The following INTS9 variants were observed in gnomAD, a reference collection of about 807,000 sequenced individuals.
INTS9 encodes protein related to CPSF subunits of 74 kDa.
A neutral mutation model predicts 79.7 loss-of-function variants in INTS9; 55 were observed. That is an observed-to-expected ratio of 0.69 (90% CI 0.56 to 0.86). The LOEUF (loss-of-function observed/expected upper bound fraction) is 0.86. Among genes scored for constraint, INTS9 ranks in the 40% least tolerant of loss-of-function variants. The pLI is 0.00. For missense variants in INTS9, 721 were observed against 831.5 expected, an observed-to-expected ratio of 0.87 and a Z score of 1.64; for synonymous variants, 319 against 325.2, an observed-to-expected ratio of 0.98 and a Z score of 0.20.
chr8:28,827,039 A>T (rs1339948278), intron 6 of INTS9, among the ~76,000 whole-genome samples: 1 of 152,112 alleles, frequency 6.6e-6, no homozygotes. Flanking sequence ...AACTCTCCTT[A>T]TGCTTACTTG....
In INTS9 at chr8:28,846,750, T is replaced by TG. The variant is rs1444337664; in HGVS notation, c.257dup (p.Glu87ArgfsTer17). On this transcript the variant is annotated frameshift_variant, in exon 4 of 17. Transcript: ENST00000521022. LOFTEE classifies it high-confidence loss of function. ...ATAAGATTCACCTTAATCTTACCTC[T>TG]GGTAAACAGAATTCCGGCACAGAAT... is the stretch of plus-strand genomic sequence containing the variant. 1 of 1,610,528 alleles carries TG rather than the reference T, an allele frequency of 6.2e-7. No homozygotes were observed. The highest frequency in any genetic ancestry group is 8.5e-7 in the Non-Finnish European group (1 of 1,176,746).
intron 11 of INTS9, among the ~76,000 whole-genome samples, chr8:28,786,920 T>C (rs556331930): frequency 1.3e-5 from 2 of 152,156 alleles, no homozygotes; most frequent in South Asian, 2.1e-4. Flanking sequence ...GGTTTCACTG[T>C]GTTAGCCAGG....
intron 14 of INTS9, among the ~76,000 whole-genome samples, chr8:28,774,998 G>A (rs988967587): frequency 6.6e-6 from 1 of 152,180 alleles, no homozygotes; most frequent in African/African-American, 2.4e-5. Flanking sequence ...ACCAAAACCT[G>A]CAAGTATGCT....
intron 1 of INTS9, among the ~76,000 whole-genome samples, chr8:28,881,439 CCCCCCG>C (rs1809793925): frequency 2.0e-5 from 3 of 146,412 alleles, no homozygotes; most frequent in African/African-American, 7.5e-5. Context: ...GGGGGGTCAG[CCCCCCG>C]CCCGGCCAGC....
In INTS9 at chr8:28,768,238, C is replaced by T. The variant is rs1802322230; in HGVS notation, c.1885G>A (p.Glu629Lys). The part of the protein sequence containing the change: ...LQEAETLIQI[E>K]EDSTHIICDN... ...CAGATGATATGGGTCGAGTCTTCTT[C>T]AATCTGGATGAGCGTCTCAGCCTCC... The change falls in exon 17 of 17, where the codon GAA (glutamate) becomes AAA (lysine). Residue 629 changes from glutamate to lysine, a missense_variant. Transcript: ENST00000521022. 6.2e-7 allele frequency: 1 copy of T among 1,614,068 alleles called. No homozygotes were observed. Among genetic ancestry groups the T allele is most frequent in the Non-Finnish European group, 8.5e-7 (1 of 1,180,052 alleles).
intron 6 of INTS9, among the ~76,000 whole-genome samples, chr8:28,817,529 C>A (rs1398753086): frequency 3.3e-5 from 5 of 152,146 alleles, no homozygotes; most frequent in Non-Finnish European, 5.9e-5. Flanking sequence ...TGTTTTGGTA[C>A]CAGTAACATG....
intron 6 of INTS9, among the ~76,000 whole-genome samples, chr8:28,833,267 A>G (rs942947668): frequency 9.9e-5 from 15 of 152,204 alleles, no homozygotes; most frequent in Non-Finnish European, 2.1e-4. Flanking sequence ...AAGAGAAATC[A>G]GTGCCAACTG....
intron 1 of INTS9, among the ~76,000 whole-genome samples, chr8:28,862,661 T>C (rs537517003): frequency 3.3e-5 from 5 of 152,332 alleles, no homozygotes; most frequent in African/African-American, 2.4e-5. Context: ...TTATTTACAA[T>C]GTCATTGGTA....
intron 2 of INTS9, among the ~76,000 whole-genome samples, chr8:28,856,405 T>C (rs924366258): frequency 6.6e-6 from 1 of 152,104 alleles, no homozygotes; most frequent in Non-Finnish European, 1.5e-5. Flanking sequence ...TGAGGGCATG[T>C]TGAATTTTGT....
chr8:28,799,983 C>T (rs147743974), intron 8 of INTS9, among the ~76,000 whole-genome samples: 285 of 152,288 alleles, frequency 1.9e-3, no homozygotes, highest in Non-Finnish European at 3.3e-3. Flanking sequence ...GAACATCTCC[C>T]GGACATCTCT....
chr8:28,807,936 TAATATC>T (rs1364070521), intron 8 of INTS9, among the ~76,000 whole-genome samples: 1 of 152,240 alleles, frequency 6.6e-6, no homozygotes. Context: ...CTTTGCAAGA[TAATATC>T]AATAGATTAT....
chr8:28,869,311 G>C (rs911668794), intron 1 of INTS9, among the ~76,000 whole-genome samples: 9 of 152,180 alleles, frequency 5.9e-5, no homozygotes, highest in Non-Finnish European at 7.3e-5. Context: ...CTCCCAAAGT[G>C]CTGGGATTAC....
chr8:28,793,895 C>T lies in INTS9; in HGVS notation c.949G>A (p.Asp317Asn), dbSNP rs1371893300. The change falls in exon 10 of 17, where the codon GAC becomes AAC. Residue 317 changes from aspartate (D) to asparagine (N), a missense_variant. Transcript: ENST00000521022. ...DLLECLYQYI[D>N]SAGLSSVPLY... ...GGGACGCTGGAAAGCCCGGCTGAGT[C>T]GATGTACTGATATAGGCACTCCAGG... The T allele has an allele frequency of 1.9e-5, 31 of 1,613,868 alleles. No homozygotes were observed. Among genetic ancestry groups the T allele is most frequent in the Non-Finnish European group, 2.5e-5 (30 of 1,179,940 alleles).
At chr8:28,887,665 C>T (rs542883723) in intron 1 of INTS9, among the ~76,000 whole-genome samples, 1 of 152,324 alleles carries the variant, frequency 6.6e-6, no homozygotes, top group Non-Finnish European at 1.5e-5. Flanking sequence ...AGGCATGACA[C>T]ACCCATCTAA....
intron 1 of INTS9, among the ~76,000 whole-genome samples, chr8:28,865,069 AC>A (rs1343083236): frequency 3.3e-5 from 5 of 152,098 alleles, no homozygotes; most frequent in Non-Finnish European, 7.4e-5. Context: ...AAAAATAAAA[AC>A]AAAAAATCAT....
chr8:28,781,169 C>G (rs973145571), intron 11 of INTS9, among the ~76,000 whole-genome samples, 175 bp from the exon 12 acceptor site: 1 of 152,098 alleles, frequency 6.6e-6, no homozygotes, highest in Non-Finnish European at 1.5e-5. Context: ...GACCCAGAAT[C>G]TATGAACTCC....
In INTS9 at chr8:28,813,478, A is replaced by T. The variant is rs200366964; in HGVS notation, c.609+14T>A. 11 of 1,610,128 alleles carry T rather than the reference A, an allele frequency of 6.8e-6. No homozygotes were observed. Among genetic ancestry groups the T allele is most frequent in the Non-Finnish European group, 8.5e-6 (10 of 1,176,822 alleles). On this transcript the variant is annotated intron_variant, in intron 7 of 16. Transcript: ENST00000521022. ...AGCATTCATGAATAACTGAAATGTA[A>T]TATGAATACTCACAATTTTCTGAGA...
intron 1 of INTS9, among the ~76,000 whole-genome samples, chr8:28,888,709 T>C (rs1288132297): frequency 6.6e-6 from 1 of 152,190 alleles, no homozygotes. Context: ...GTGACCCGCA[T>C]CCTTCCCCTT....
At chr8:28,769,735 C>A in intron 16 of INTS9, 154 bp downstream of exon 16, 1 of 923,584 alleles carries the variant, frequency 1.1e-6, no homozygotes, top group East Asian at 2.7e-5. Flanking sequence ...TCTCCTGGGT[C>A]TCCCAGCAGG....
Sources: allele counts gnomAD v4.1 joint callset (sites outside exome capture counted in the v4.1 genomes callset), GRCh38; gene constraint gnomAD v4.1.1; transcripts MANE v1.5; gene names NCBI Gene and HGNC (gene_info 2026-07-23, HGNC 2026-07-21).